Variants in RAD54B observed in about 807,000 individuals in gnomAD.
The protein encoded by RAD54B is RAD54 homolog B.
In RAD54B, 78 loss-of-function variants were observed where a neutral mutation model predicts 95.8. That is an observed-to-expected ratio of 0.81 (90% CI 0.68 to 0.98). RAD54B has a LOEUF of 0.98. Among genes scored for constraint, RAD54B ranks in the 50% least tolerant of loss-of-function variants. RAD54B has a pLI of 0.00. For synonymous variants in RAD54B, 328 were observed against 354.9 expected (o/e 0.92, Z 0.85); for missense variants, 957 against 1,056.6 (o/e 0.91, Z 1.31).
In RAD54B at chr8:94,380,328, T is replaced by G; in HGVS notation, c.2064A>C (p.Thr688=). 1 of 1,614,088 alleles carries G rather than the reference T, an allele frequency of 6.2e-7. No homozygotes were observed. The highest frequency in any genetic ancestry group is 1.1e-5 in the South Asian group (1 of 91,072). ...AGATTGGTGTTTGTCCATCAAGTCTTGTATAAGCATATCCATGACGCTTAC... is the reference window on the plus strand; with the variant it reads ...AGATTGGTGTTTGTCCATCAAGTCTGGTATAAGCATATCCATGACGCTTAC... ...EVCKRHGYAY[T]RLDGQTPISQ... is the part of the protein sequence containing the mutation. Residue 688 remains threonine (T), a synonymous_variant, in exon 12 of 15, where the codon ACA becomes ACC. Coordinates refer to ENST00000336148, the MANE Select transcript of RAD54B (RefSeq NM_012415.3).
At position 94,401,225 on chromosome 8, in the gene RAD54B, G is replaced by T. The variant is rs553441962; in HGVS notation, c.945-762C>A. On this transcript the variant is annotated intron_variant, in intron 6 of 14. Coordinates refer to ENST00000336148, the MANE Select transcript of RAD54B (RefSeq NM_012415.3). Reference sequence around the variant, plus strand: ...ACTGTGAAAGTCCACTTATATATGGGTTTTTTTCAATAAATGTTATAAATG... The same window carrying T: ...ACTGTGAAAGTCCACTTATATATGGTTTTTTTTCAATAAATGTTATAAATG... Among the ~76,000 whole-genome samples, 21 of 152,128 alleles carry T rather than the reference G, an allele frequency of 1.4e-4. No homozygotes were observed. The South Asian group carries it at 4.1e-3, about 30-fold the overall frequency.
intron 3 of RAD54B, among the ~76,000 whole-genome samples, chr8:94,454,840 G>C (rs1351372751): frequency 1.3e-5 from 2 of 152,170 alleles, no homozygotes; most frequent in Non-Finnish European, 2.9e-5. Context: ...TAACTTATCT[G>C]AGAATTTATA....
chr8:94,417,689 AAAG>A (rs772292004), intron 3 of RAD54B, among the ~76,000 whole-genome samples: 3 of 152,118 alleles, frequency 2.0e-5, no homozygotes, highest in African/African-American at 4.8e-5. Context: ...GAAGAAAGAA[AAAG>A]AAGACATATG....
chr8:94,427,378 C>A (rs1586160908), intron 3 of RAD54B, among the ~76,000 whole-genome samples: 1 of 151,880 alleles, frequency 6.6e-6, no homozygotes, highest in Non-Finnish European at 1.5e-5. Context: ...TGAACAATTT[C>A]TCAAAATCGT....
chr8:94,414,187 A>G (rs1193750563), intron 3 of RAD54B, among the ~76,000 whole-genome samples: 1 of 152,134 alleles, frequency 6.6e-6, no homozygotes, highest in African/African-American at 2.4e-5. Flanking sequence ...ATATCCTGAG[A>G]CTTTCCTGAA....
intron 3 of RAD54B, chr8:94,436,909 T>C (rs1242344687): frequency 1.3e-6 from 2 of 1,486,016 alleles, no homozygotes; most frequent in South Asian, 1.4e-5. Context: ...GAAACCACCA[T>C]GCAGCCTTCA....
At chr8:94,473,180 G>A (rs913747102) in intron 1 of RAD54B, among the ~76,000 whole-genome samples, 1 of 152,152 alleles carries the variant, frequency 6.6e-6, no homozygotes, top group Non-Finnish European at 1.5e-5. Flanking sequence ...AGTGCTGTCT[G>A]AGCCCTTTCC....
intron 3 of RAD54B, among the ~76,000 whole-genome samples, chr8:94,443,615 C>T (rs1202625153): frequency 6.6e-6 from 1 of 151,926 alleles, no homozygotes; most frequent in African/African-American, 2.4e-5. Flanking sequence ...GTTTACCTTA[C>T]CTTATGTAAA....
At chr8:94,415,794 A>C (rs1045346577) in intron 3 of RAD54B, among the ~76,000 whole-genome samples, 1 of 148,022 alleles carries the variant, frequency 6.8e-6, no homozygotes, top group Non-Finnish European at 1.5e-5. Context: ...CCATCAGAGA[A>C]ATGCAAATCA....
chr8:94,428,871 G>A (rs1005348560), intron 3 of RAD54B: 60 of 984,814 alleles, frequency 6.1e-5, no homozygotes, highest in Non-Finnish European at 7.1e-5. Context: ...GAAAAAAAAA[G>A]GTTTGGTTCC....
chr8:94,403,048 T>C (rs1203630265), intron 6 of RAD54B, among the ~76,000 whole-genome samples: 1 of 152,214 alleles, frequency 6.6e-6, no homozygotes, highest in Non-Finnish European at 1.5e-5. Flanking sequence ...AATATGAGTC[T>C]AGTTAACAGT....
intron 10 of RAD54B, 39 bp from the exon 11 acceptor site, chr8:94,387,198 GT>G: frequency 1.3e-6 from 2 of 1,481,688 alleles, no homozygotes; most frequent in Non-Finnish European, 1.8e-6. Flanking sequence ...GCTCAAGTTT[GT>G]TTTTTTAATT....
intron 14 of RAD54B, 129 bp downstream of exon 14, chr8:94,378,051 G>T: frequency 3.2e-6 from 2 of 620,224 alleles, no homozygotes; most frequent in Non-Finnish European, 5.2e-6. Flanking sequence ...TGCCCTATGA[G>T]CTGAGAAAAA....
chr8:94,374,095 C>T (rs1196372749), intron 14 of RAD54B, among the ~76,000 whole-genome samples: 2 of 152,002 alleles, frequency 1.3e-5, no homozygotes, highest in Admixed American at 6.5e-5. Flanking sequence ...CTGGCTAACA[C>T]AGTGTAACCC....
chr8:94,422,068 T>G (rs1381678624), intron 3 of RAD54B, among the ~76,000 whole-genome samples: 1 of 152,142 alleles, frequency 6.6e-6, no homozygotes, highest in Non-Finnish European at 1.5e-5. Flanking sequence ...AACTTAAATT[T>G]CCGATTGCCA....
chr8:94,380,534 A>G (rs1810714375), intron 11 of RAD54B, 128 bp from the exon 12 acceptor site: 1 of 957,416 alleles, frequency 1.0e-6, no homozygotes. Flanking sequence ...ACCTTGTACA[A>G]TTAAAACATA....
At chr8:94,417,036 G>C (rs1811690183) in intron 3 of RAD54B, among the ~76,000 whole-genome samples, 1 of 152,070 alleles carries the variant, frequency 6.6e-6, no homozygotes, top group East Asian at 1.9e-4. Context: ...GCATACAATG[G>C]AATATAATTC....
chr8:94,380,060 T>C (rs1810694588), intron 12 of RAD54B, 85 bp downstream of exon 12: 17 of 1,407,702 alleles, frequency 1.2e-5, no homozygotes, highest in Non-Finnish European at 1.5e-5. Context: ...GTGGATATTA[T>C]ATATCATCAT....
intron 2 of RAD54B, among the ~76,000 whole-genome samples, chr8:94,460,602 C>T (rs932334526): frequency 6.6e-6 from 1 of 152,214 alleles, no homozygotes; most frequent in African/African-American, 2.4e-5. Context: ...TTGCTGCTCT[C>T]TCAAATTACC....
Sources: allele counts gnomAD v4.1 joint callset (sites outside exome capture counted in the v4.1 genomes callset), GRCh38; gene constraint gnomAD v4.1.1; transcripts MANE v1.5; gene names NCBI Gene and HGNC (gene_info 2026-07-23, HGNC 2026-07-21).